JAK1: variants seen among roughly 807,000 people sequenced by gnomAD.
JAK1 encodes tyrosine-protein kinase JAK1.
Under a neutral mutation model 136.6 loss-of-function variants are expected in JAK1, and 16 were observed. That is an observed-to-expected ratio of 0.12 (90% CI 0.08 to 0.18). The LOEUF is 0.18. Among genes scored for constraint, JAK1 ranks in the 10% least tolerant of loss-of-function variants. JAK1 has a pLI of 1.00. For missense variants in JAK1, 859 were observed against 1,450.1 expected, an observed-to-expected ratio of 0.59 and a Z score of 6.62; for synonymous variants, 492 against 519.5, an observed-to-expected ratio of 0.95 and a Z score of 0.72.
Position 64,984,960 on chromosome 1 carries a change from A to G in JAK1, c.-78+59520T>C, listed in dbSNP as rs1274884428. On this transcript the variant is annotated intron_variant, in intron 2 of 25. Coordinates refer to the JAK1 transcript ENST00000671954. This position sits in a 1 kb window ranked among gnomAD's most constrained non-coding sequence, Gnocchi z 4.1. ...AAACCAGGGAATGTGGTCTGGCCCA[A>G]TTTCAAAGAAGACCACAAAGACCAA... 16 of 1,006,994 alleles carry G rather than the reference A, an allele frequency of 1.6e-5. No homozygotes were observed. The Admixed American group carries it at 2.8e-4, about 17-fold the overall frequency. 62.4% of individuals were successfully genotyped at this position (1,006,994 alleles called of 1,614,324 possible). A position where few individuals can be genotyped will look rare whatever the true frequency, so the allele number is the denominator to read the frequency against.
At chr1:64,878,556 A>AGT (rs1368449732) in intron 4 of JAK1, among the ~76,000 whole-genome samples, 6,042 of 108,098 alleles carry the variant, frequency 0.056, 219 homozygotes, top group East Asian at 0.2. Flanking sequence ...TTATATATAT[A>AGT]GTGTGTATAT....
intron 2 of JAK1, among the ~76,000 whole-genome samples, chr1:65,024,794 T>C (rs1238110788): frequency 6.6e-6 from 1 of 151,426 alleles, no homozygotes; most frequent in African/African-American, 2.4e-5. Context: ...CTGGCCAACA[T>C]GGTGAGACCC....
intron 3 of JAK1, among the ~76,000 whole-genome samples, chr1:64,882,886 C>A (rs761166783): frequency 6.6e-6 from 1 of 152,182 alleles, no homozygotes; most frequent in Admixed American, 6.5e-5. Flanking sequence ...TATTGAGATA[C>A]GCTACTTGCT....
intron 1 of JAK1, among the ~76,000 whole-genome samples, chr1:65,058,237 A>G (rs527685123): frequency 6.6e-6 from 1 of 152,312 alleles, no homozygotes; most frequent in Non-Finnish European, 1.5e-5. Flanking sequence ...TCAGCACAAC[A>G]TGGCTGCACC....
chr1:64,930,429 G>A (rs970007276), intron 1 of JAK1, among the ~76,000 whole-genome samples: 2 of 152,144 alleles, frequency 1.3e-5, no homozygotes, highest in African/African-American at 4.8e-5. Flanking sequence ...TTAGAGAAAC[G>A]CAAATCAAAA....
intron 1 of JAK1, among the ~76,000 whole-genome samples, chr1:64,951,834 A>G (rs930588866): frequency 6.6e-6 from 1 of 151,626 alleles, no homozygotes; most frequent in East Asian, 1.9e-4. Flanking sequence ...AATTTTTTGT[A>G]TTTTTAGTAG....
chr1:64,835,320 C>A (rs886269015), intron 24 of JAK1, 76 bp downstream of exon 24: 1 of 733,990 alleles, frequency 1.4e-6, no homozygotes, highest in Non-Finnish European at 2.3e-6. Context: ...CTCCCCTCTA[C>A]CCATTGCTGG....
intron 19 of JAK1, among the ~76,000 whole-genome samples, chr1:64,840,971 A>T (rs1021116444): frequency 2.0e-5 from 3 of 152,124 alleles, no homozygotes; most frequent in African/African-American, 2.4e-5. Context: ...CTGTAGAGAA[A>T]ACTCAAGTCT....
intron 2 of JAK1, among the ~76,000 whole-genome samples, chr1:65,014,753 C>T (rs1397183100): frequency 6.6e-6 from 1 of 151,154 alleles, no homozygotes; most frequent in African/African-American, 2.4e-5. Context: ...GGCGCGACCT[C>T]GGCTCACTGC....
In JAK1 at chr1:64,864,816, T is replaced by C. The variant is rs201432491; in HGVS notation, c.1147A>G (p.Ser383Gly). The C allele has an allele frequency of 7.8e-4, 1,262 of 1,613,420 alleles. 1 individual carries two copies. The highest frequency in any genetic ancestry group is 1.0e-3 in the Non-Finnish European group (1,238 of 1,179,836). The change falls in exon 8 of 25, where the codon AGC becomes GGC. Residue 383 changes from serine to glycine, a missense_variant. Coordinates refer to ENST00000342505, the MANE Select transcript of JAK1 (RefSeq NM_002227.4). Reference protein sequence around the residue: ...THIVIKESVVSINKQDNKKME... With the variant: ...THIVIKESVVGINKQDNKKME... ...TTCTTGTTGTCCTGCTTGTTAATGC[T>C]GACCACAGACTCCTTTATTACAATG...
chr1:64,960,466 C>T (rs1557727628), intron 1 of JAK1, among the ~76,000 whole-genome samples: 1 of 152,090 alleles, frequency 6.6e-6, no homozygotes. Context: ...AAAAACAAAA[C>T]AAGGCTAAAA....
At chr1:64,836,279 G>A in intron 22 of JAK1, 64 bp from the exon 23 acceptor site, 1 of 909,980 alleles carries the variant, frequency 1.1e-6, no homozygotes, top group Non-Finnish European at 1.8e-6. Flanking sequence ...GACATTACAG[G>A]ATAACTGAAA....
At chr1:64,916,830 G>C (rs1645405090) in intron 1 of JAK1, among the ~76,000 whole-genome samples, 2 of 130,794 alleles carry the variant, frequency 1.5e-5, no homozygotes, top group African/African-American at 5.3e-5. Context: ...GACAGAGTGA[G>C]ACCCTTTCTC....
chr1:64,907,003 A>AC (rs1645200897), intron 1 of JAK1, among the ~76,000 whole-genome samples: 1 of 44,508 alleles, frequency 2.2e-5, no homozygotes, highest in East Asian at 1.6e-3. Context: ...GAGGAGAAGC[A>AC]CAAAAAAAAA....
At chr1:64,837,787 T>G in intron 22 of JAK1, 145 bp downstream of exon 22, 1 of 578,748 alleles carries the variant, frequency 1.7e-6, no homozygotes, top group African/African-American at 1.9e-5. Flanking sequence ...AAGATAAATA[T>G]CAATCAATTC....
chr1:65,063,342 T>C (rs1376513854), intron 1 of JAK1, among the ~76,000 whole-genome samples: 1 of 152,216 alleles, frequency 6.6e-6, no homozygotes, highest in African/African-American at 2.4e-5. Context: ...AATTTTCCCA[T>C]GACACCCCTG....
intron 1 of JAK1, among the ~76,000 whole-genome samples, chr1:64,933,641 T>C (rs7520143): frequency 0.018 from 2,716 of 152,308 alleles, 76 homozygotes; most frequent in African/African-American, 0.061. Flanking sequence ...CTTCTCATGC[T>C]GTACTACACT....
rs1654345566 is a variant in JAK1, at chr1:64,834,544, A to C, written c.*18T>G. 2.0e-6 allele frequency: 3 copies of C among 1,500,178 alleles called. No individual in the cohort carries two copies. The highest frequency in any genetic ancestry group is 2.8e-6 in the Non-Finnish European group (3 of 1,079,780). 92.9% of individuals were successfully genotyped at this position (1,500,178 alleles called of 1,614,324 possible). The stretch of plus-strand genomic sequence containing the variant: ...AAGGACTTGATAATCTGTGGAATTT[A>C]AATGTTATTCATGCTTCTTATTTTA... On this transcript the variant is annotated 3_prime_UTR_variant, in exon 25 of 25. Transcript: ENST00000342505.
chr1:65,019,881 A>G (rs1201138150), intron 2 of JAK1, among the ~76,000 whole-genome samples: 2 of 150,538 alleles, frequency 1.3e-5, no homozygotes, highest in Non-Finnish European at 3.0e-5. Flanking sequence ...ATGCCACTGC[A>G]CTCCAGCCTG....
Sources: allele counts gnomAD v4.1 joint callset (sites outside exome capture counted in the v4.1 genomes callset), GRCh38; gene constraint gnomAD v4.1.1; non-coding constraint Gnocchi (gnomAD v3.1); transcripts MANE v1.5; gene names NCBI Gene and HGNC (gene_info 2026-07-23, HGNC 2026-07-21).